Variants in PDE3B observed in about 807,000 individuals in gnomAD.
PDE3B encodes the protein cGMP-inhibited 3',5'-cyclic phosphodiesterase 3B.
Under a neutral mutation model 116.8 loss-of-function variants are expected in PDE3B, and 66 were observed. The observed-to-expected ratio is 0.56, with a 90% CI of 0.46 to 0.69. PDE3B has a LOEUF of 0.69. PDE3B is among the 30% of genes least tolerant of loss of function. The pLI, the probability that PDE3B is intolerant of heterozygous loss-of-function variation, is 0.00. For missense variants in PDE3B, 1,384 were observed against 1,368.1 expected, an observed-to-expected ratio of 1.01 and a Z score of -0.18; for synonymous variants, 595 against 533.6, an observed-to-expected ratio of 1.12 and a Z score of -1.59.
At chr11:14,707,998 C>G (rs1855581048) in intron 1 of PDE3B, among the ~76,000 whole-genome samples, 1 of 151,948 alleles carries the variant, frequency 6.6e-6, no homozygotes, top group African/African-American at 2.4e-5. Flanking sequence ...TTTTATTTAG[C>G]CTTCTTCTTG....
intron 1 of PDE3B, chr11:14,674,605 C>G: frequency 3.3e-6 from 1 of 305,154 alleles, no homozygotes; most frequent in South Asian, 3.2e-5. Flanking sequence ...CCAACTAAAA[C>G]TTTACTAACT....
chr11:14,689,069 G>A (rs190078271), intron 1 of PDE3B, among the ~76,000 whole-genome samples: 11 of 152,240 alleles, frequency 7.2e-5, no homozygotes, highest in Admixed American at 3.3e-4. Context: ...CACTGTATGC[G>A]TCCCACATAT....
chr11:14,732,559 A>G (rs572302504), intron 1 of PDE3B, among the ~76,000 whole-genome samples: 1 of 152,168 alleles, frequency 6.6e-6, no homozygotes, highest in Non-Finnish European at 1.5e-5. Context: ...GAAAGTAATG[A>G]TCTTATAAAA....
chr11:14,877,472 T>G, the PDE3B span: 2 of 152,148 alleles, frequency 1.3e-5, no homozygotes, highest in African/African-American at 4.8e-5. Flanking sequence ...TATTGTAATG[T>G]CCTATCTACT....
intron 2 of PDE3B, among the ~76,000 whole-genome samples, chr11:14,781,397 T>C (rs1857995007): frequency 6.6e-6 from 1 of 152,210 alleles, no homozygotes; most frequent in African/African-American, 2.4e-5. Context: ...TGAACATCGA[T>C]GCAAAAATCC....
At chr11:14,884,594 A>G in the PDE3B span, among the ~76,000 whole-genome samples, 1 of 151,590 alleles carries the variant, frequency 6.6e-6, no homozygotes. Flanking sequence ...TGACGAGTTA[A>G]TGGGTGCAGC....
chr11:14,743,750 A>G (rs373492303), intron 1 of PDE3B, among the ~76,000 whole-genome samples: 10 of 152,286 alleles, frequency 6.6e-5, no homozygotes, highest in South Asian at 2.1e-4. Context: ...AATGCGTACT[A>G]TCTGGGCCGC....
chr11:14,832,905 T>G (rs1024777363), intron 10 of PDE3B, 72 bp downstream of exon 10: 3 of 698,146 alleles, frequency 4.3e-6, no homozygotes, highest in African/African-American at 3.8e-5. Context: ...ATCTTTCTCT[T>G]CAGATGGTCC....
At chr11:14,857,405 A>G (rs1448890603) in intron 12 of PDE3B, among the ~76,000 whole-genome samples, 2 of 152,198 alleles carry the variant, frequency 1.3e-5, no homozygotes, top group Admixed American at 6.5e-5. Flanking sequence ...CTAAAGTAGC[A>G]TTGACATTTG....
chr11:14,783,602 C>A (rs1017712208), intron 2 of PDE3B, among the ~76,000 whole-genome samples: 2 of 151,228 alleles, frequency 1.3e-5, no homozygotes, highest in Non-Finnish European at 2.9e-5. Flanking sequence ...CACACCGGGG[C>A]TTGTAGTGGG....
chr11:14,778,925 A>G (rs1857879929), intron 2 of PDE3B, among the ~76,000 whole-genome samples: 1 of 152,210 alleles, frequency 6.6e-6, no homozygotes, highest in African/African-American at 2.4e-5. Context: ...AAAACCTTGA[A>G]AAAAGATTAG....
intron 1 of PDE3B, among the ~76,000 whole-genome samples, chr11:14,714,870 G>T (rs1855830117): frequency 6.6e-6 from 1 of 152,062 alleles, no homozygotes. Flanking sequence ...AGAAGTTTTG[G>T]CTTGTTTCTA....
At chr11:14,849,844 G>T (rs1847703110) in intron 12 of PDE3B, among the ~76,000 whole-genome samples, 1 of 151,848 alleles carries the variant, frequency 6.6e-6, no homozygotes, top group South Asian at 2.1e-4. Context: ...AACAACAGGT[G>T]CTGGAGAGGA....
intron 1 of PDE3B, among the ~76,000 whole-genome samples, chr11:14,737,082 C>T (rs1311965441): frequency 2.6e-5 from 4 of 151,776 alleles, no homozygotes; most frequent in Middle Eastern, 3.2e-3. Context: ...TACATAGGCT[C>T]GTAATAAAGA....
intron 1 of PDE3B, among the ~76,000 whole-genome samples, chr11:14,752,790 T>C (rs1397933489): frequency 6.6e-6 from 1 of 152,292 alleles, no homozygotes; most frequent in Non-Finnish European, 1.5e-5. Flanking sequence ...AAGGCTACTG[T>C]TATTCAGTCA....
intron 1 of PDE3B, among the ~76,000 whole-genome samples, chr11:14,745,786 T>G (rs1856895376): frequency 6.6e-6 from 1 of 152,192 alleles, no homozygotes; most frequent in African/African-American, 2.4e-5. Context: ...TTTAGCCTGT[T>G]TGACAGGAAA....
chr11:14,823,155 C>T (rs1053282578), intron 7 of PDE3B, among the ~76,000 whole-genome samples: 2 of 152,246 alleles, frequency 1.3e-5, no homozygotes, highest in South Asian at 2.1e-4. Context: ...TGCTGTTTCA[C>T]AGCCTTAGCC....
chr11:14,785,443 C>T (rs1007206963), intron 2 of PDE3B, among the ~76,000 whole-genome samples: 4 of 152,058 alleles, frequency 2.6e-5, no homozygotes, highest in Non-Finnish European at 5.9e-5. Flanking sequence ...CATAATATTT[C>T]TCAGTTCCAA....
At chr11:14,741,170 C>T (rs977662174) in intron 1 of PDE3B, among the ~76,000 whole-genome samples, 3 of 152,020 alleles carry the variant, frequency 2.0e-5, no homozygotes, top group Non-Finnish European at 2.9e-5. Flanking sequence ...GATTTTCTAT[C>T]GTATTGATCT....
Sources: gnomAD v4.1 joint callset for allele counts (sites outside exome capture counted in the v4.1 genomes callset) on GRCh38, gnomAD v4.1.1 for gene constraint, MANE v1.5 for transcripts, NCBI Gene and HGNC (gene_info 2026-07-23, HGNC 2026-07-21) for gene names.